PCDH15: variants seen among roughly 807,000 people sequenced by gnomAD.
PCDH15 encodes the protein protocadherin-15.
PCDH15 carries 129 observed loss-of-function variants against 178.5 expected under a neutral mutation model. The observed-to-expected ratio is 0.72, with a 90% CI of 0.63 to 0.84. The LOEUF (loss-of-function observed/expected upper bound fraction) is 0.84, where lower values mean the gene tolerates loss of function less well. Among genes scored for constraint, PCDH15 ranks in the 40% least tolerant of loss-of-function variants. The pLI is 0.00. For synonymous variants in PCDH15, 800 were observed against 732.0 expected, an observed-to-expected ratio of 1.09 and a Z score of -1.50; for missense variants, 2,230 against 2,099.9, an observed-to-expected ratio of 1.06 and a Z score of -1.21.
At chr10:55,401,594 C>CTCTGTGTG (rs775201579) in intron 2 of PCDH15, among the ~76,000 whole-genome samples, 4 of 133,114 alleles carry the variant, frequency 3.0e-5, no homozygotes, top group African/African-American at 8.8e-5. Context: ...ATTTGCCTTA[C>CTCTGTGTG]TGTGTGTGTG....
At chr10:55,117,458 T>C (rs912264243) in intron 2 of PCDH15, among the ~76,000 whole-genome samples, 4 of 152,136 alleles carry the variant, frequency 2.6e-5, no homozygotes, top group Admixed American at 6.5e-5. Flanking sequence ...CTTGCAAACA[T>C]AGACAAGATA....
chr10:54,783,955 G>A (rs1267703693), intron 1 of PCDH15, among the ~76,000 whole-genome samples: 1 of 152,086 alleles, frequency 6.6e-6, no homozygotes, highest in East Asian at 1.9e-4. Context: ...GGAGGCATCA[G>A]GAAACTTACA....
chr10:55,609,920 A>T (rs941337090), intron 2 of PCDH15, among the ~76,000 whole-genome samples: 16 of 152,142 alleles, frequency 1.1e-4, no homozygotes, highest in African/African-American at 3.6e-4. Context: ...AGCTCCGTAA[A>T]CAATACTGTC....
chr10:55,608,385 G>C (rs941259576), intron 2 of PCDH15, among the ~76,000 whole-genome samples: 2 of 151,432 alleles, frequency 1.3e-5, no homozygotes, highest in Admixed American at 1.3e-4. Context: ...GAAATGATCT[G>C]TGTTCCAGGA....
chr10:55,627,864 CCCAG>C (rs1837565229), exon 1 of PCDH15: 1 of 152,492 alleles, frequency 6.6e-6, no homozygotes, highest in Non-Finnish European at 1.5e-5. Context: ...CTGCGCCTTA[CCCAG>C]CTCTTTTCGT....
intron 2 of PCDH15, among the ~76,000 whole-genome samples, chr10:55,364,898 C>T (rs992443000): frequency 2.6e-5 from 4 of 151,990 alleles, no homozygotes; most frequent in African/African-American, 9.7e-5. Context: ...GAATACAATA[C>T]AAAATATACA....
chr10:55,569,436 G>C (rs550625652), intron 2 of PCDH15, among the ~76,000 whole-genome samples: 1 of 151,636 alleles, frequency 6.6e-6, no homozygotes, highest in South Asian at 2.1e-4. Context: ...GGACAACAAA[G>C]GGCAAAAAGT....
chr10:53,888,308 ATG>A lies in PCDH15; in HGVS notation c.3501+14933_3501+14934del, dbSNP rs1554845214. ...TATATATACATATATATATATATAT[ATG>A]TATATATGTACGTATATATATGTAC... On this transcript the variant is annotated intron_variant, in intron 26 of 37. Transcript: ENST00000644397. 1.8e-3 allele frequency among the ~76,000 whole-genome samples: 163 copies of A among 91,140 alleles called. 1 individual carries two copies. The highest frequency in any genetic ancestry group is 2.1e-3 in the Non-Finnish European group (104 of 49,364). 59.8% of individuals were successfully genotyped at this position (91,140 alleles called of 152,430 possible).
chr10:53,816,788 T>G (rs890742854), intron 34 of PCDH15, among the ~76,000 whole-genome samples: 3 of 152,216 alleles, frequency 2.0e-5, no homozygotes, highest in African/African-American at 7.2e-5. Context: ...TTTCTTCTTC[T>G]TACCAAAGTG....
At position 53,810,592 on chromosome 10, in the gene PCDH15, C is replaced by T; in HGVS notation, c.4635G>A (p.Val1545=). ...CATATTCTTCCTCAGCTTCACCAAC[C>T]ACCTCACCATATTCCTCCTGTCCAG... ...PPAGQEEYGE[V]VGEAEEEYEE... Residue 1545 remains valine (V), a synonymous_variant, in exon 37 of 38, where the codon GTG becomes GTA. Coordinates refer to ENST00000644397, the MANE Select transcript of PCDH15 (RefSeq NM_001384140.1). The T allele has an allele frequency of 6.2e-7, 1 of 1,613,812 alleles. No individual in the cohort carries two copies. Among genetic ancestry groups the T allele is most frequent in the Non-Finnish European group, 8.5e-7 (1 of 1,179,818 alleles).
chr10:55,327,070 A>C (rs891301361), intron 2 of PCDH15, among the ~76,000 whole-genome samples: 4 of 152,126 alleles, frequency 2.6e-5, no homozygotes, highest in Admixed American at 2.6e-4. Flanking sequence ...AAAATCCCAA[A>C]GTAATGGTAA....
intron 5 of PCDH15, among the ~76,000 whole-genome samples, chr10:54,360,013 A>G (rs1945742766): frequency 6.6e-6 from 1 of 152,150 alleles, no homozygotes; most frequent in Admixed American, 6.6e-5. Context: ...TGGTCTAATC[A>G]TCCCACAGAA....
rs115771693 is a variant in PCDH15, at chr10:53,919,473, A to T, written c.3374-16103T>A. ...ATACTAATCACTGAGAAGTTTCTGG[A>T]CCAAGTGTTTTCTGTGCATTATTTC... On this transcript the variant is annotated intron_variant, in intron 25 of 37. Transcript: ENST00000644397. 2.2e-3 allele frequency among the ~76,000 whole-genome samples: 335 copies of T among 152,348 alleles called. 2 individuals are homozygous for T. The highest frequency in any genetic ancestry group is 7.4e-3 in the African/African-American group (306 of 41,580).
intron 1 of PCDH15, among the ~76,000 whole-genome samples, chr10:54,762,100 G>GA (rs1197426211): frequency 6.6e-6 from 1 of 151,982 alleles, no homozygotes; most frequent in Non-Finnish European, 1.5e-5. Context: ...ATTTAACCTT[G>GA]AATCACATTT....
chr10:54,006,836 C>T (rs1021990730), intron 20 of PCDH15, among the ~76,000 whole-genome samples: 1 of 152,094 alleles, frequency 6.6e-6, no homozygotes, highest in African/African-American at 2.4e-5. Context: ...CAAGGTGAAC[C>T]TGATGATACT....
At chr10:54,681,186 A>T (rs559628492) in intron 1 of PCDH15, among the ~76,000 whole-genome samples, 1 of 152,282 alleles carries the variant, frequency 6.6e-6, no homozygotes, top group South Asian at 2.1e-4. Context: ...GATCCTCCCT[A>T]TTGGGGAGCG....
At chr10:54,710,145 C>T (rs1459989015) in intron 1 of PCDH15, among the ~76,000 whole-genome samples, 2 of 151,840 alleles carry the variant, frequency 1.3e-5, no homozygotes, top group Non-Finnish European at 2.9e-5. Flanking sequence ...ACCAAGCAAA[C>T]GTTTGAGTAA....
chr10:54,262,002 A>G (rs1436049946), intron 8 of PCDH15, among the ~76,000 whole-genome samples: 1 of 152,182 alleles, frequency 6.6e-6, no homozygotes, highest in African/African-American at 2.4e-5. Flanking sequence ...ACTGGCCCAT[A>G]TACCTTGAAC....
At chr10:54,493,966 C>A (rs2079858797) in intron 3 of PCDH15, among the ~76,000 whole-genome samples, 1 of 151,722 alleles carries the variant, frequency 6.6e-6, no homozygotes, top group African/African-American at 2.4e-5. Flanking sequence ...AATCATCATT[C>A]TCAGTAAACT....
Sources: gnomAD v4.1 joint callset for allele counts (sites outside exome capture counted in the v4.1 genomes callset) on GRCh38, gnomAD v4.1.1 for gene constraint, MANE v1.5 for transcripts, NCBI Gene and HGNC (gene_info 2026-07-23, HGNC 2026-07-21) for gene names.